PACS1: variants seen among roughly 807,000 people sequenced by gnomAD.
The protein encoded by PACS1 is phosphofurin acidic cluster sorting protein 1.
In PACS1, 24 loss-of-function variants were observed where a neutral mutation model predicts 115.0. The ratio of observed to expected loss-of-function variants is 0.21; its 90% confidence interval spans 0.15 to 0.29. PACS1 has a LOEUF of 0.29. Among genes scored for constraint, PACS1 ranks in the 10% least tolerant of loss-of-function variants. The pLI is 1.00. For missense variants in PACS1, 838 were observed against 1,251.2 expected (o/e 0.67, Z 4.98); for synonymous variants, 453 against 504.5 (o/e 0.90, Z 1.37).
At chr11:66,172,293 T>TCACACGCCCACACCGA (rs1408624641) in intron 1 of PACS1, among the ~76,000 whole-genome samples, 5 of 152,192 alleles carry the variant, frequency 3.3e-5, no homozygotes, top group Non-Finnish European at 7.3e-5. Flanking sequence ...TCTCTGTGAC[T>TCACACGCCCACACCGA]CACACGCCCA....
rs1857285537 is a variant in PACS1, at chr11:66,070,385, G to A, written c.-102G>A. The A allele has an allele frequency of 3.1e-6, 2 of 641,134 alleles. No homozygotes were observed. Among genetic ancestry groups the A allele is most frequent in the Admixed American group, 4.8e-5 (1 of 20,688 alleles). 39.7% of individuals were successfully genotyped at this position (641,134 alleles called of 1,614,324 possible). A position where few individuals can be genotyped will look rare whatever the true frequency, so the allele number is the denominator to read the frequency against. ...GCTGGCTGCTCGCGCTCGGGCAGGC[G>A]GGCTGAGGAGGCTGCCGCGCCCCCG... On this transcript the variant is annotated 5_prime_UTR_variant, in exon 1 of 24. Coordinates refer to ENST00000320580, the MANE Select transcript of PACS1 (RefSeq NM_018026.4). The surrounding 1 kb of genome is among the most constrained non-coding windows in gnomAD (Gnocchi z 5.9).
intron 1 of PACS1, among the ~76,000 whole-genome samples, chr11:66,097,129 C>T (rs1276705774): frequency 1.3e-5 from 2 of 152,284 alleles, no homozygotes; most frequent in Admixed American, 6.5e-5. Flanking sequence ...TTCCCACTAA[C>T]TGAGGCAGAC....
At chr11:66,196,789 G>A (rs556313223) in intron 2 of PACS1, among the ~76,000 whole-genome samples, 2 of 152,088 alleles carry the variant, frequency 1.3e-5, no homozygotes, top group South Asian at 2.1e-4. Context: ...GTAGAGACGG[G>A]GTTTTACCAT....
chr11:66,140,456 C>T (rs985482861), intron 1 of PACS1, among the ~76,000 whole-genome samples: 1 of 152,202 alleles, frequency 6.6e-6, no homozygotes, highest in African/African-American at 2.4e-5. Flanking sequence ...CCGTGGACCT[C>T]CCAGACTCAG....
chr11:66,096,703 A>T (rs777797808), intron 1 of PACS1, among the ~76,000 whole-genome samples: 15 of 151,430 alleles, frequency 9.9e-5, no homozygotes, highest in African/African-American at 1.5e-4. Context: ...GGGTTTCTCC[A>T]TGTTGGTCAG....
chr11:66,099,368 C>T (rs1377833207), intron 1 of PACS1, among the ~76,000 whole-genome samples: 6 of 152,128 alleles, frequency 3.9e-5, no homozygotes, highest in South Asian at 2.1e-4. Flanking sequence ...GGACTACAGG[C>T]GCCCACCACC....
chr11:66,170,261 C>G (rs1859704649), intron 1 of PACS1, among the ~76,000 whole-genome samples: 1 of 150,356 alleles, frequency 6.7e-6, no homozygotes, highest in Non-Finnish European at 1.5e-5. Context: ...ATCCTGCTTT[C>G]TTTTAGATTT....
In PACS1 at chr11:66,070,398, T is replaced by TGCCGCGCCCCCGCCGCC. The variant is rs1156614210; in HGVS notation, c.-83_-67dup. The TGCCGCGCCCCCGCCGCC allele has an allele frequency of 6.4e-6, 5 of 785,470 alleles. No homozygotes were observed. The highest frequency in any genetic ancestry group is 1.8e-5 in the African/African-American group (1 of 54,414). The allele number at this position is 785,470 out of a possible 1,614,324, so 48.7% of individuals were successfully genotyped here. A position where few individuals can be genotyped will look rare whatever the true frequency, so the allele number is the denominator to read the frequency against. ...GCTCGGGCAGGCGGGCTGAGGAGGC[T>TGCCGCGCCCCCGCCGCC]GCCGCGCCCCCGCCGCCGCCGCCGC... On this transcript the variant is annotated 5_prime_UTR_variant, in exon 1 of 24. Transcript: ENST00000320580. This position sits in a 1 kb window ranked among gnomAD's most constrained non-coding sequence, Gnocchi z 5.9.
In PACS1 at chr11:66,234,281, G is replaced by A. The variant is rs764993410; in HGVS notation, c.2104+39G>A. On this transcript the variant is annotated intron_variant, in intron 17 of 23. Transcript: ENST00000320580. Reference sequence around the variant, plus strand: ...GTAAGGAGCTTACTCCCACCCCCGGGGTCCACAGGTGCCAGCCTGGCTGCA... The same window carrying A: ...GTAAGGAGCTTACTCCCACCCCCGGAGTCCACAGGTGCCAGCCTGGCTGCA... The A allele has an allele frequency of 4.3e-6, 6 of 1,400,902 alleles. No homozygotes were observed. In the South Asian group the frequency reaches 6.9e-5, roughly 16 times the overall value. The allele number at this position is 1,400,902 out of a possible 1,614,324, so 86.8% of individuals were successfully genotyped here. A position where few individuals can be genotyped will look rare whatever the true frequency, so the allele number is the denominator to read the frequency against.
At chr11:66,230,152 AAG>A (rs1491083075) in intron 11 of PACS1, among the ~76,000 whole-genome samples, 37 of 148,496 alleles carry the variant, frequency 2.5e-4, no homozygotes, top group Middle Eastern at 3.5e-3. Flanking sequence ...AAAAAAAAAA[AAG>A]AAAAAAAAAA....
chr11:66,222,692 C>T (rs1855378344), intron 10 of PACS1, among the ~76,000 whole-genome samples: 1 of 152,140 alleles, frequency 6.6e-6, no homozygotes, highest in Admixed American at 6.5e-5. Flanking sequence ...GGGGGAATAC[C>T]AAACTCGCCC....
chr11:66,078,617 A>G (rs962347164), intron 1 of PACS1, among the ~76,000 whole-genome samples: 5 of 152,210 alleles, frequency 3.3e-5, no homozygotes, highest in Non-Finnish European at 5.9e-5. Flanking sequence ...TGGCATGAAC[A>G]CAGCTCACTC....
chr11:66,210,257 A>G, intron 2 of PACS1, 105 bp from the exon 3 acceptor site: 1 of 839,800 alleles, frequency 1.2e-6, no homozygotes, highest in Middle Eastern at 2.3e-4. Flanking sequence ...GCTGGTCTCA[A>G]ACTCCTGAGT....
chr11:66,239,327 C>T, intron 21 of PACS1, 50 bp downstream of exon 21: 1 of 1,568,128 alleles, frequency 6.4e-7, no homozygotes, highest in Non-Finnish European at 8.6e-7. Flanking sequence ...TCAGGCCCAC[C>T]CGGCTGATTC....
chr11:66,092,639 G>C (rs1483224888), intron 1 of PACS1, among the ~76,000 whole-genome samples: 2 of 152,116 alleles, frequency 1.3e-5, no homozygotes, highest in Admixed American at 6.6e-5. Flanking sequence ...TTTCTTCTAA[G>C]GTTTTTATGG....
chr11:66,241,189 G>T (rs978661477), intron 21 of PACS1: 3 of 502,520 alleles, frequency 6.0e-6, no homozygotes, highest in African/African-American at 5.7e-5. Context: ...TTGTCATCCT[G>T]TGAAGATTTT....
At chr11:66,210,948 C>T (rs1481035330) in intron 3 of PACS1, among the ~76,000 whole-genome samples, 186 bp from the exon 4 acceptor site, 1 of 152,166 alleles carries the variant, frequency 6.6e-6, no homozygotes, top group East Asian at 1.9e-4. Flanking sequence ...AGAGCTGTGG[C>T]GTAGAAGCCA....
intron 1 of PACS1, chr11:66,100,788 A>C: frequency 2.2e-6 from 1 of 456,288 alleles, no homozygotes. Flanking sequence ...CTGGCAGCTG[A>C]TGCCAGCTAT....
intron 1 of PACS1, among the ~76,000 whole-genome samples, chr11:66,096,209 C>CTTTTTTTTTTTTTTT (rs66569530): frequency 8.4e-6 from 1 of 119,506 alleles, no homozygotes; most frequent in African/African-American, 3.6e-5. Flanking sequence ...CTTTTTCTTT[C>CTTTTTTTTTTTTTTT]TTTTTTTTTT....
Sources: gnomAD v4.1 joint callset for allele counts (sites outside exome capture counted in the v4.1 genomes callset) on GRCh38, gnomAD v4.1.1 for gene constraint, Gnocchi (gnomAD v3.1) non-coding constraint, MANE v1.5 for transcripts, NCBI Gene and HGNC (gene_info 2026-07-23, HGNC 2026-07-21) for gene names.